DSCAM: variants seen among roughly 807,000 people sequenced by gnomAD.
The protein encoded by DSCAM is cell adhesion molecule DSCAM.
DSCAM carries 47 observed loss-of-function variants against 217.7 expected under a neutral mutation model. That is an observed-to-expected ratio of 0.22 (90% CI 0.17 to 0.28). DSCAM has a LOEUF of 0.28. Ranked by LOEUF, DSCAM falls within the 10% of genes least tolerant of loss-of-function variation. The pLI, the probability that DSCAM is intolerant of heterozygous loss-of-function variation, is 1.00. For missense variants in DSCAM, 2,080 were observed against 2,618.3 expected (o/e 0.79, Z 4.49); for synonymous variants, 1,056 against 1,015.3 (o/e 1.04, Z -0.76).
chr21:40,427,685 C>T (rs1379952937), intron 3 of DSCAM, among the ~76,000 whole-genome samples: 2 of 152,060 alleles, frequency 1.3e-5, no homozygotes, highest in Non-Finnish European at 2.9e-5. Flanking sequence ...GATAAGCTGC[C>T]CCATTGGCTT....
At chr21:40,398,346 A>G (rs1452914426) in intron 3 of DSCAM, among the ~76,000 whole-genome samples, 1 of 152,120 alleles carries the variant, frequency 6.6e-6, no homozygotes, top group Non-Finnish European at 1.5e-5. Flanking sequence ...GTTGACTCCA[A>G]ATGGTTCCCA....
chr21:40,147,248 A>G (rs1250224777), intron 16 of DSCAM, among the ~76,000 whole-genome samples: 1 of 152,156 alleles, frequency 6.6e-6, no homozygotes, highest in African/African-American at 2.4e-5. Flanking sequence ...AGAGCCACCA[A>G]TTTAGCTAAA....
intron 3 of DSCAM, among the ~76,000 whole-genome samples, chr21:40,666,302 T>A (rs1251760696): frequency 2.0e-5 from 3 of 152,152 alleles, no homozygotes; most frequent in African/African-American, 7.2e-5. Flanking sequence ...ATGCAGTACC[T>A]CATTTAACCC....
intron 21 of DSCAM, among the ~76,000 whole-genome samples, chr21:40,088,785 C>T (rs1003755509): frequency 9.2e-5 from 14 of 152,158 alleles, no homozygotes; most frequent in South Asian, 6.2e-4. Context: ...CAGTAAAAGG[C>T]GGGTGGCTAG....
chr21:40,740,871 A>C (rs940508021), intron 1 of DSCAM, among the ~76,000 whole-genome samples: 10 of 152,254 alleles, frequency 6.6e-5, no homozygotes, highest in African/African-American at 2.4e-4. Flanking sequence ...GAAGTTGATA[A>C]TGATGCTAAG....
At chr21:40,720,295 A>G (rs1259293462) in intron 1 of DSCAM, among the ~76,000 whole-genome samples, 2 of 152,212 alleles carry the variant, frequency 1.3e-5, no homozygotes, top group Non-Finnish European at 2.9e-5. Flanking sequence ...ATATCTAGAA[A>G]GCATAACATT....
intron 3 of DSCAM, among the ~76,000 whole-genome samples, chr21:40,617,320 T>C (rs2146289588): frequency 6.6e-6 from 1 of 151,946 alleles, no homozygotes; most frequent in Non-Finnish European, 1.5e-5. Context: ...GAGACGGGGT[T>C]TCACCATGTT....
At chr21:40,797,831 G>T (rs2410291) in intron 1 of DSCAM, among the ~76,000 whole-genome samples, 1 of 152,054 alleles carries the variant, frequency 6.6e-6, no homozygotes, top group African/African-American at 2.4e-5. Context: ...ATTTAATACA[G>T]TTGTAAGGAT....
At chr21:40,625,784 TAAC>T (rs2089593091) in intron 3 of DSCAM, among the ~76,000 whole-genome samples, 2 of 152,124 alleles carry the variant, frequency 1.3e-5, no homozygotes, top group South Asian at 2.1e-4. Flanking sequence ...CATAAACAAA[TAAC>T]AACAACAAAA....
chr21:40,638,831 TTTGA>T (rs1208562019), intron 3 of DSCAM, among the ~76,000 whole-genome samples: 16 of 152,338 alleles, frequency 1.1e-4, no homozygotes, highest in East Asian at 1.9e-4. Context: ...TTTGTTGTGC[TTTGA>T]TTAAGAGTAA....
chr21:40,698,066 A>G (rs2146460517), intron 2 of DSCAM, among the ~76,000 whole-genome samples: 1 of 152,344 alleles, frequency 6.6e-6, no homozygotes, highest in South Asian at 2.1e-4. Context: ...TGTGGTTACC[A>G]TGAAGCTTAC....
chr21:40,657,945 T>C (rs896191035), intron 3 of DSCAM, among the ~76,000 whole-genome samples: 12 of 152,196 alleles, frequency 7.9e-5, no homozygotes, highest in Non-Finnish European at 1.3e-4. Flanking sequence ...AAAATAAGAA[T>C]GAGCCAACCA....
rs562747751 is a variant in DSCAM at position 40,471,147 on chromosome 21, A to G, written c.509-101902T>C. Among the ~76,000 whole-genome samples the G allele has an allele frequency of 2.4e-3, 359 of 152,340 alleles. 1 individual carries two copies. Among genetic ancestry groups the G allele is most frequent in the Middle Eastern group, 6.8e-3 (2 of 294 alleles). On this transcript the variant is annotated intron_variant, in intron 3 of 32. Coordinates refer to ENST00000400454, the MANE Select transcript of DSCAM (RefSeq NM_001389.5). The stretch of plus-strand genomic sequence containing the variant: ...CTTTCTCTAAGGTTTAGCATAACCA[A>G]CATGAACTTCAAGCAGTTAGCTGCA...
intron 3 of DSCAM, among the ~76,000 whole-genome samples, chr21:40,388,469 G>GTGC (rs144765356): frequency 6.6e-6 from 1 of 152,232 alleles, no homozygotes; most frequent in Non-Finnish European, 1.5e-5. Flanking sequence ...AATCTCTTTA[G>GTGC]TGCTTTTGAC....
chr21:40,655,323 G>C (rs2090061786), intron 3 of DSCAM, among the ~76,000 whole-genome samples: 1 of 152,140 alleles, frequency 6.6e-6, no homozygotes, highest in African/African-American at 2.4e-5. Flanking sequence ...CCAACATCAA[G>C]GCACAGACAG....
At chr21:40,653,778 C>T (rs1403315455) in intron 3 of DSCAM, among the ~76,000 whole-genome samples, 1 of 152,204 alleles carries the variant, frequency 6.6e-6, no homozygotes, top group East Asian at 1.9e-4. Context: ...AACTTCAATT[C>T]TAACCATGCC....
chr21:40,487,135 T>C (rs946293353), intron 3 of DSCAM, among the ~76,000 whole-genome samples: 4 of 152,142 alleles, frequency 2.6e-5, no homozygotes, highest in African/African-American at 9.6e-5. Context: ...TAACCTTTCA[T>C]GGGCCTTTTA....
intron 3 of DSCAM, among the ~76,000 whole-genome samples, chr21:40,398,524 G>C (rs187254489): frequency 6.6e-6 from 1 of 152,112 alleles, no homozygotes; most frequent in African/African-American, 2.4e-5. Context: ...TAGCCTCTAG[G>C]GCTCTACAGT....
At chr21:40,543,492 C>T (rs948645248) in intron 3 of DSCAM, among the ~76,000 whole-genome samples, 1 of 152,108 alleles carries the variant, frequency 6.6e-6, no homozygotes, top group Non-Finnish European at 1.5e-5. Flanking sequence ...TAGGGGAATG[C>T]ATTAAGCAGA....
Sources: allele counts gnomAD v4.1 joint callset (sites outside exome capture counted in the v4.1 genomes callset), GRCh38; gene constraint gnomAD v4.1.1; transcripts MANE v1.5; gene names NCBI Gene and HGNC (gene_info 2026-07-23, HGNC 2026-07-21).